Variants in INPP4B observed in about 807,000 individuals in gnomAD.
INPP4B encodes the protein inositol polyphosphate-4-phosphatase type II B.
Under a neutral mutation model 122.5 loss-of-function variants are expected in INPP4B, and 55 were observed. The ratio of observed to expected loss-of-function variants is 0.45; its 90% CI spans 0.36 to 0.56. The LOEUF is 0.56. Among genes scored for constraint, INPP4B ranks in the 20% least tolerant of loss-of-function variants. The pLI is 0.00. For synonymous variants in INPP4B, 403 were observed against 388.7 expected (o/e 1.04, Z -0.43); for missense variants, 1,000 against 1,097.7 (o/e 0.91, Z 1.26).
chr4:142,738,490 A>C (rs1201595632), intron 1 of INPP4B, among the ~76,000 whole-genome samples: 1 of 152,126 alleles, frequency 6.6e-6, no homozygotes, highest in East Asian at 1.9e-4. Flanking sequence ...GGATAGCATT[A>C]GGAGATACCC....
At chr4:142,561,053 C>T (rs1730367688) in intron 2 of INPP4B, among the ~76,000 whole-genome samples, 1 of 151,950 alleles carries the variant, frequency 6.6e-6, no homozygotes, top group Non-Finnish European at 1.5e-5. Flanking sequence ...TCATGAATTC[C>T]CCAAAAAAGT....
At chr4:142,768,955 T>C (rs750212413) in intron 1 of INPP4B, among the ~76,000 whole-genome samples, 7 of 152,160 alleles carry the variant, frequency 4.6e-5, no homozygotes, top group Non-Finnish European at 1.0e-4. Context: ...AAAACTATAC[T>C]GGATACAGAA....
At chr4:142,683,794 G>A (rs769050591) in intron 2 of INPP4B, among the ~76,000 whole-genome samples, 5 of 151,730 alleles carry the variant, frequency 3.3e-5, no homozygotes, top group Non-Finnish European at 7.4e-5. Flanking sequence ...AATCTATTAC[G>A]TACTGCAAAA....
intron 21 of INPP4B, among the ~76,000 whole-genome samples, chr4:142,115,439 C>T (rs1792662690): frequency 6.6e-6 from 1 of 152,128 alleles, no homozygotes; most frequent in Non-Finnish European, 1.5e-5. Flanking sequence ...CAAAGGGAAG[C>T]CCATCAGACT....
rs537790783 is a variant in INPP4B, at chr4:142,285,947, G to T, written c.504-15173C>A. 4.4e-4 allele frequency among the ~76,000 whole-genome samples: 67 copies of T among 152,218 alleles called. No homozygotes were observed. The South Asian group carries it at 9.7e-3, about 22-fold the overall frequency. On this transcript the variant is annotated intron_variant, in intron 9 of 25. Coordinates refer to ENST00000262992, the MANE Select transcript of INPP4B (RefSeq NM_001101669.3). ...AGTTTCCATTTCCTGATTTTAACTT[G>T]TTCTGCTCTGTAGTCTTAACTCTGC...
chr4:142,147,820 T>C (rs1811600412), intron 17 of INPP4B, among the ~76,000 whole-genome samples: 2 of 152,098 alleles, frequency 1.3e-5, no homozygotes, highest in Non-Finnish European at 2.9e-5. Flanking sequence ...TAAACACCAA[T>C]TGCATCCATA....
intron 2 of INPP4B, among the ~76,000 whole-genome samples, chr4:142,531,685 T>C (rs1827635837): frequency 6.6e-6 from 1 of 152,146 alleles, no homozygotes; most frequent in Admixed American, 6.6e-5. Context: ...GATTTTTTTT[T>C]TAACAAGCCT....
At chr4:142,062,613 G>A (rs1447104389) in intron 25 of INPP4B, among the ~76,000 whole-genome samples, 2 of 152,104 alleles carry the variant, frequency 1.3e-5, no homozygotes, top group African/African-American at 4.8e-5. Flanking sequence ...GTGCGCACCT[G>A]TAGTCCCAGC....
intron 2 of INPP4B, among the ~76,000 whole-genome samples, chr4:142,494,958 GC>G (rs1352837087): frequency 6.6e-6 from 1 of 152,166 alleles, no homozygotes; most frequent in Admixed American, 6.5e-5. Context: ...AATGTCTGTT[GC>G]CCAACAACTG....
chr4:142,610,573 TAA>T (rs777294897), intron 2 of INPP4B, among the ~76,000 whole-genome samples: 2 of 152,138 alleles, frequency 1.3e-5, no homozygotes, highest in Non-Finnish European at 2.9e-5. Flanking sequence ...ATTTGTAAAT[TAA>T]AAAAATTTAG....
intron 7 of INPP4B, among the ~76,000 whole-genome samples, chr4:142,318,451 C>A (rs1294249277): frequency 1.3e-5 from 2 of 152,192 alleles, no homozygotes; most frequent in Admixed American, 6.5e-5. Flanking sequence ...CCGACAATGT[C>A]ATGCCTCCTG....
chr4:142,162,947 C>T (rs1820834368), intron 16 of INPP4B, among the ~76,000 whole-genome samples: 1 of 151,778 alleles, frequency 6.6e-6, no homozygotes, highest in Non-Finnish European at 1.5e-5. Context: ...TTAGAAAATA[C>T]CCAAATGTCC....
At chr4:142,745,334 A>C (rs1390303648) in intron 1 of INPP4B, among the ~76,000 whole-genome samples, 2 of 151,934 alleles carry the variant, frequency 1.3e-5, no homozygotes, top group Non-Finnish European at 2.9e-5. Flanking sequence ...TAATTACATG[A>C]AATGTAAACA....
At chr4:142,481,217 G>A (rs1301218214) in intron 2 of INPP4B, among the ~76,000 whole-genome samples, 1 of 151,916 alleles carries the variant, frequency 6.6e-6, no homozygotes, top group Non-Finnish European at 1.5e-5. Context: ...GAACAGTAGG[G>A]GAATGAACAC....
intron 11 of INPP4B, among the ~76,000 whole-genome samples, chr4:142,259,191 C>G (rs1294782759): frequency 8.8e-6 from 1 of 113,356 alleles, no homozygotes; most frequent in Non-Finnish European, 1.6e-5. Context: ...ATATCACACT[C>G]TGGGGACTGT....
intron 2 of INPP4B, among the ~76,000 whole-genome samples, chr4:142,531,681 T>C (rs1250341100): frequency 6.6e-6 from 1 of 152,152 alleles, no homozygotes; most frequent in African/African-American, 2.4e-5. Flanking sequence ...AGTAGATTTT[T>C]TTTTTAACAA....
intron 25 of INPP4B, among the ~76,000 whole-genome samples, chr4:142,078,503 T>A (rs957572609): frequency 2.2e-4 from 34 of 152,152 alleles, no homozygotes; most frequent in African/African-American, 8.2e-4. Context: ...ATATACTATG[T>A]TCACTGGGTA....
chr4:142,528,233 T>C (rs1183229920), intron 2 of INPP4B, among the ~76,000 whole-genome samples: 3 of 152,046 alleles, frequency 2.0e-5, no homozygotes, highest in Non-Finnish European at 2.9e-5. Flanking sequence ...TAAAACAACA[T>C]ACATTTATTA....
intron 2 of INPP4B, among the ~76,000 whole-genome samples, chr4:142,624,019 C>T (rs1745645220): frequency 6.6e-6 from 1 of 152,040 alleles, no homozygotes; most frequent in Non-Finnish European, 1.5e-5. Flanking sequence ...AATACTGCCG[C>T]AATAAACATA....
Sources: gnomAD v4.1 joint callset for allele counts (sites outside exome capture counted in the v4.1 genomes callset) on GRCh38, gnomAD v4.1.1 for gene constraint, MANE v1.5 for transcripts, NCBI Gene and HGNC (gene_info 2026-07-23, HGNC 2026-07-21) for gene names.